The following SLU7 variants were observed in gnomAD, a reference collection of about 807,000 sequenced individuals.
SLU7 encodes pre-mRNA-splicing factor SLU7.
SLU7 carries 60 observed loss-of-function variants against 87.0 expected under a neutral mutation model. The observed-to-expected ratio is 0.69, with a 90% CI of 0.56 to 0.86. The LOEUF is 0.86. Ranked by LOEUF, SLU7 falls within the 40% of genes least tolerant of loss-of-function variation. SLU7 has a pLI of 0.00. For missense variants in SLU7, 507 were observed against 686.6 expected, an observed-to-expected ratio of 0.74 and a Z score of 2.92; for synonymous variants, 197 against 222.0, an observed-to-expected ratio of 0.89 and a Z score of 1.00.
intron 11 of SLU7, 120 bp from the exon 12 acceptor site, chr5:160,406,749 G>A (rs1346743730): frequency 8.3e-6 from 7 of 845,690 alleles, no homozygotes; most frequent in Non-Finnish European, 1.2e-5. Flanking sequence ...TTTTGTTATA[G>A]AAAGCACAGT....
rs971318091 is a variant in SLU7, at chr5:160,408,372, C to T, written c.776G>A (p.Arg259Gln). ...MPGQNFDSKR[R>Q]ITVRNLRIRE... ...AATCCTGAGATTCCGGACAGTAATT[C>T]GTCTCTTGGAGTCAAAATTCTGTCC... Residue 259 changes from arginine (R) to glutamine (Q), a missense_variant, in exon 8 of 16, where the codon CGA becomes CAA. Transcript: ENST00000297151. The T allele has an allele frequency of 6.2e-7, 1 of 1,610,768 alleles. No individual in the cohort carries two copies. The highest frequency in any genetic ancestry group is 8.5e-7 in the Non-Finnish European group (1 of 1,178,332).
At chr5:160,409,728 C>T (rs546430859) in intron 6 of SLU7, among the ~76,000 whole-genome samples, 3 of 152,018 alleles carry the variant, frequency 2.0e-5, no homozygotes, top group Non-Finnish European at 4.4e-5. Flanking sequence ...CCATGGAACA[C>T]TGAACGGCCA....
intron 6 of SLU7, among the ~76,000 whole-genome samples, chr5:160,411,117 T>G: frequency 6.6e-6 from 1 of 152,254 alleles, no homozygotes; most frequent in South Asian, 2.1e-4. Flanking sequence ...CCACCCGCCT[T>G]GGCCTCCCAA....
rs754062544 is a variant in SLU7 at position 160,407,565 on chromosome 5, C to A, written c.1036G>T (p.Asp346Tyr). 6.2e-7 allele frequency: 1 copy of A among 1,613,768 alleles called. No homozygotes were observed. The highest frequency in any genetic ancestry group is 8.5e-7 in the Non-Finnish European group (1 of 1,179,808). Residue 346 changes from aspartate (D) to tyrosine (Y), a missense_variant, in exon 11 of 16, where the codon GAT becomes TAT. Asp to Tyr is a radical substitution (Grantham distance 160). Transcript: ENST00000297151. This position sits in a 1 kb window ranked among gnomAD's most constrained non-coding sequence, Gnocchi z 4.2. ...DKGSEVHLQA[D>Y]PTKLELLYKS... ...TACAACAGCTCTAGCTTTGTAGGAT[C>A]TGCCTGTAGATGCACTTCAGATCCC...
At chr5:160,414,684 A>C (rs1765379356) in intron 2 of SLU7, among the ~76,000 whole-genome samples, 1 of 152,194 alleles carries the variant, frequency 6.6e-6, no homozygotes, top group Non-Finnish European at 1.5e-5. Context: ...CCAACTAAGA[A>C]ACTAAGAATA....
Position 160,413,332 on chromosome 5 carries a change from GTACTACTAT to G in SLU7, c.570+115_570+123del, listed in dbSNP as rs541753033. The G allele has an allele frequency of 1.2e-3, 866 of 731,690 alleles. 2 individuals carry two copies. The highest frequency in any genetic ancestry group is 1.2e-3 in the Non-Finnish European group (532 of 429,946). 45.3% of individuals were successfully genotyped at this position (731,690 alleles called of 1,614,324 possible). On this transcript the variant is annotated intron_variant, in intron 5 of 15. Transcript: ENST00000297151. ...AATTATAAAGGTAGCCTATACAGTA[GTACTACTAT>G]TATAAAAATGCTACCATTTTTAAAG...
At chr5:160,414,287 T>G (rs1765362771) in intron 3 of SLU7, 32 bp downstream of exon 3, 1 of 1,511,908 alleles carries the variant, frequency 6.6e-7, no homozygotes, top group African/African-American at 1.4e-5. Flanking sequence ...ACTCTCCATA[T>G]CCATGAAGAT....
intron 15 of SLU7, 107 bp from the exon 16 acceptor site, chr5:160,403,571 A>G (rs1202451963): frequency 6.5e-6 from 6 of 916,240 alleles, no homozygotes; most frequent in African/African-American, 1.7e-5. Context: ...TGCTCTATCA[A>G]AAACGCAGAT....
chr5:160,417,005 T>C (rs1016123252), intron 1 of SLU7: 1 of 152,214 alleles, frequency 6.6e-6, no homozygotes, highest in African/African-American at 2.4e-5. Context: ...GGAAACCCGT[T>C]TTGCTTGGCT....
At chr5:160,412,583 T>A (rs1320673406) in intron 5 of SLU7, 64 bp from the exon 6 acceptor site, 6 of 993,282 alleles carry the variant, frequency 6.0e-6, no homozygotes, top group Middle Eastern at 3.3e-4. Context: ...ACTTACAACA[T>A]TCAAGTCACC....
In SLU7 at chr5:160,404,923, T is replaced by C. The variant is rs201091082; in HGVS notation, c.1393-43A>G. The C allele has an allele frequency of 3.3e-6, 5 of 1,513,552 alleles. 1 individual carries two copies. The South Asian group carries it at 5.6e-5, about 17-fold the overall frequency. The allele number at this position is 1,513,552 out of a possible 1,614,324, so 93.8% of individuals were successfully genotyped here. ...AATTTGAGTTGAGTGTCATAGTTAC[T>C]AATCATCTAAGAACAAGTTAAAATT... On this transcript the variant is annotated intron_variant, in intron 13 of 15. Coordinates refer to ENST00000297151, the MANE Select transcript of SLU7 (RefSeq NM_006425.5).
chr5:160,405,250 T>A, intron 12 of SLU7, 115 bp from the exon 13 acceptor site: 1 of 699,420 alleles, frequency 1.4e-6, no homozygotes, highest in East Asian at 2.7e-5. Context: ...GGGAGAAAAA[T>A]TATGGGGATT....
In SLU7 at chr5:160,402,323, A is replaced by C. The variant is rs1236010906; in HGVS notation, c.*962T>G. On this transcript the variant is annotated 3_prime_UTR_variant, in exon 16 of 16. Transcript: ENST00000297151. ...AGACTTATGTCCAGAATGGTAAAAG[A>C]CCTACTACTGATCAGTCAATATTGA... The C allele has an allele frequency of 6.6e-6, 1 of 152,200 alleles. No individual in the cohort carries two copies. Among genetic ancestry groups the C allele is most frequent in the Non-Finnish European group, 1.5e-5 (1 of 68,040 alleles). 9.4% of individuals were successfully genotyped at this position (152,200 alleles called of 1,614,324 possible).
At chr5:160,409,393 TTCAAAGATTAA>T (rs1201629138) in intron 6 of SLU7, among the ~76,000 whole-genome samples, 1 of 152,010 alleles carries the variant, frequency 6.6e-6, no homozygotes, top group Non-Finnish European at 1.5e-5. Context: ...TCATAAAGGC[TTCAAAGATTAA>T]AAATACTTAA....
At position 160,404,896 on chromosome 5, in the gene SLU7, G is replaced by A. The variant is rs74862066; in HGVS notation, c.1393-16C>T. 4,190 of 1,575,168 alleles carry A rather than the reference G, an allele frequency of 2.7e-3. 121 individuals are homozygous for A. The African/African-American group carries it at 0.05, about 19-fold the overall frequency. ...CCTCAGAGTTCTGTGGGAAATACAT[G>A]TAATTTGAGTTGAGTGTCATAGTTA... On this transcript the variant is annotated splice_polypyrimidine_tract_variant and intron_variant, in intron 13 of 15. Transcript: ENST00000297151.
Position 160,412,454 on chromosome 5 carries a change from C to T in SLU7, c.636G>A (p.Gln212=). The T allele has an allele frequency of 6.6e-7, 1 of 1,523,672 alleles. No homozygotes were observed. Among genetic ancestry groups the T allele is most frequent in the East Asian group, 2.3e-5 (1 of 43,478 alleles). The allele number at this position is 1,523,672 out of a possible 1,614,324, so 94.4% of individuals were successfully genotyped here. ...EELASGKLVE[Q]ANSPKHQWGE... The stretch of plus-strand genomic sequence containing the variant: ...ATTGATCATTTTCATTACTTACAGC[C>T]TGTTCCACTAATTTTCCTGAGGCTA... Residue 212 remains glutamine, a synonymous_variant, in exon 6 of 16, where the codon CAG becomes CAA. Transcript: ENST00000297151.
intron 6 of SLU7, among the ~76,000 whole-genome samples, chr5:160,410,567 T>A (rs2961945): frequency 0.68 from 101,711 of 150,512 alleles, 34,900 homozygotes; most frequent in Admixed American, 0.75. Flanking sequence ...TTAAAGTATA[T>A]AAAAAAAAAA....
Position 160,415,924 on chromosome 5 carries a change from G to A in SLU7, c.-16-614C>T, listed in dbSNP as rs190322295. 3.6e-3 allele frequency among the ~76,000 whole-genome samples: 543 copies of A among 151,550 alleles called. 4 individuals are homozygous for A. Among genetic ancestry groups the A allele is most frequent in the African/African-American group, 0.012 (477 of 41,218 alleles). On this transcript the variant is annotated intron_variant, in intron 1 of 15. Coordinates refer to ENST00000297151, the MANE Select transcript of SLU7 (RefSeq NM_006425.5). The stretch of plus-strand genomic sequence containing the variant: ...CTTTTTTTTTTAGAGACAGAGTCTC[G>A]CTCTGTTGCCCAGGCTGGAGTGCAG...
At position 160,407,859 on chromosome 5, in the gene SLU7, A is replaced by G. The variant is rs1440917250; in HGVS notation, c.918-46T>C. The G allele has an allele frequency of 6.5e-7, 1 of 1,541,638 alleles. No individual in the cohort carries two copies. Among genetic ancestry groups the G allele is most frequent in the African/African-American group, 1.4e-5 (1 of 73,216 alleles). ...AATGTTTCAGAGATTGATTTAAGGA[A>G]AATTAATTCGTAAAACTGAATCTGA... On this transcript the variant is annotated intron_variant, in intron 9 of 15. Coordinates refer to ENST00000297151, the MANE Select transcript of SLU7 (RefSeq NM_006425.5). The surrounding 1 kb of genome is among the most constrained non-coding windows in gnomAD (Gnocchi z 4.2).
Sources: gnomAD v4.1 joint callset for allele counts (sites outside exome capture counted in the v4.1 genomes callset) on GRCh38, gnomAD v4.1.1 for gene constraint, Gnocchi (gnomAD v3.1) non-coding constraint, MANE v1.5 for transcripts, NCBI Gene and HGNC (gene_info 2026-07-23, HGNC 2026-07-21) for gene names.